Variants in KSR2 observed in about 807,000 individuals in gnomAD.
KSR2 encodes the protein kinase suppressor of ras 2.
A neutral mutation model predicts 107.8 loss-of-function variants in KSR2; 25 were observed. The ratio of observed to expected loss-of-function variants is 0.23; its 90% confidence interval spans 0.17 to 0.32. The LOEUF (loss-of-function observed/expected upper bound fraction) is 0.32. Among genes scored for constraint, KSR2 ranks in the 10% least tolerant of loss-of-function variants. The pLI is 1.00. For synonymous variants in KSR2, 480 were observed against 507.0 expected (o/e 0.95, Z 0.71); for missense variants, 887 against 1,268.9 (o/e 0.70, Z 4.57).
chr12:117,693,555 A>C (rs1048513026), intron 4 of KSR2, among the ~76,000 whole-genome samples: 8 of 152,234 alleles, frequency 5.3e-5, no homozygotes, highest in Non-Finnish European at 1.0e-4. Context: ...AAGAAGCAAC[A>C]ATCGTAATAG....
In KSR2 at chr12:117,483,673, C is replaced by G. The variant is rs137968734; in HGVS notation, c.2450+743G>C. On this transcript the variant is annotated intron_variant, in intron 16 of 19. Transcript: ENST00000339824. ...TGTTTCTCATGTGGCCAACTCAATGCGGCTTGCTCTAGGGTGAGTAGTGGC... is the reference window on the plus strand; with the variant it reads ...TGTTTCTCATGTGGCCAACTCAATGGGGCTTGCTCTAGGGTGAGTAGTGGC... Among the ~76,000 whole-genome samples the G allele has an allele frequency of 2.0e-3, 309 of 152,292 alleles. 1 individual carries two copies. Among genetic ancestry groups the G allele is most frequent in the African/African-American group, 7.0e-3 (290 of 41,562 alleles).
chr12:117,680,634 C>G (rs1885326890), intron 4 of KSR2, among the ~76,000 whole-genome samples: 1 of 152,178 alleles, frequency 6.6e-6, no homozygotes, highest in African/African-American at 2.4e-5. Flanking sequence ...AGACTGGAGG[C>G]AGCTGAAATA....
chr12:117,721,241 A>T (rs1207704118), intron 4 of KSR2, among the ~76,000 whole-genome samples: 4 of 152,166 alleles, frequency 2.6e-5, no homozygotes, highest in Admixed American at 2.6e-4. Context: ...ATGGATACCA[A>T]TGCAATGCAA....
intron 1 of KSR2, among the ~76,000 whole-genome samples, chr12:117,862,737 T>A (rs202112401): frequency 0.035 from 5,306 of 149,922 alleles, 519 homozygotes; most frequent in East Asian, 0.32. Flanking sequence ...CCTTTTTTTT[T>A]TTTTTTTTTT....
chr12:117,685,762 T>C (rs1304935348), intron 4 of KSR2, among the ~76,000 whole-genome samples: 4 of 152,264 alleles, frequency 2.6e-5, no homozygotes, highest in Admixed American at 1.3e-4. Context: ...GCCTGTCAGG[T>C]GCCCCACCCC....
At chr12:117,532,037 C>A (rs1002236775) in intron 10 of KSR2, among the ~76,000 whole-genome samples, 1 of 152,100 alleles carries the variant, frequency 6.6e-6, no homozygotes, top group African/African-American at 2.4e-5. Flanking sequence ...AGCCATAATC[C>A]AAAATATTAA....
chr12:117,511,791 C>T (rs2137199736), intron 14 of KSR2, among the ~76,000 whole-genome samples: 1 of 152,276 alleles, frequency 6.6e-6, no homozygotes, highest in African/African-American at 2.4e-5. Flanking sequence ...TGGTGGCAAA[C>T]ATCAATGATC....
intron 5 of KSR2, among the ~76,000 whole-genome samples, chr12:117,634,563 T>A (rs901036330): frequency 3.3e-5 from 5 of 152,130 alleles, no homozygotes; most frequent in Admixed American, 6.5e-5. Flanking sequence ...AGTCATCCTT[T>A]TCCCAGGTTC....
intron 5 of KSR2, among the ~76,000 whole-genome samples, chr12:117,595,412 C>CAGT (rs1452282231): frequency 2.4e-5 from 3 of 126,058 alleles, no homozygotes; most frequent in African/African-American, 9.6e-5. Context: ...GGCCGGACTG[C>CAGT]GGACTGCAGT....
chr12:117,705,273 G>C (rs1247912339), intron 4 of KSR2, among the ~76,000 whole-genome samples: 1 of 152,178 alleles, frequency 6.6e-6, no homozygotes, highest in Non-Finnish European at 1.5e-5. Flanking sequence ...GGCAACAGAC[G>C]CTCCCAGAGG....
chr12:117,677,239 A>G (rs1197287562), intron 4 of KSR2: 3 of 152,166 alleles, frequency 2.0e-5, no homozygotes, highest in East Asian at 1.9e-4. Flanking sequence ...TCAAGTTCCT[A>G]TGTTGAAGTC....
intron 1 of KSR2, among the ~76,000 whole-genome samples, chr12:117,955,505 T>C (rs547963011): frequency 2.6e-5 from 4 of 152,214 alleles, no homozygotes; most frequent in South Asian, 2.1e-4. Context: ...CTGAACCAAA[T>C]TGGAACCCAA....
At position 117,477,033 on chromosome 12, in the gene KSR2, A is replaced by T. The variant is rs993802354; in HGVS notation, c.2451-438T>A. On this transcript the variant is annotated intron_variant, in intron 16 of 19. Transcript: ENST00000339824. ...TATCTAACAGATTCTGTTTTATTTT[A>T]CATAATAGACTATGGGGCTCAGAAG... Among the ~76,000 whole-genome samples the T allele has an allele frequency of 2.0e-5, 3 of 152,224 alleles. No homozygotes were observed. The South Asian group carries it at 6.2e-4, about 32-fold the overall frequency.
chr12:117,886,360 C>T (rs557909123), intron 1 of KSR2, among the ~76,000 whole-genome samples: 6 of 151,896 alleles, frequency 4.0e-5, no homozygotes, highest in African/African-American at 1.4e-4. Flanking sequence ...TCATGCACCC[C>T]ATAATGATGT....
At chr12:117,765,475 G>A (rs944138522) in intron 3 of KSR2, among the ~76,000 whole-genome samples, 1 of 152,070 alleles carries the variant, frequency 6.6e-6, no homozygotes, top group Non-Finnish European at 1.5e-5. Context: ...TCATAAAATG[G>A]GAATAATTAT....
chr12:117,704,214 A>C (rs1886433985), intron 4 of KSR2, among the ~76,000 whole-genome samples: 1 of 152,172 alleles, frequency 6.6e-6, no homozygotes. Flanking sequence ...AACAGTCTTT[A>C]GTTATGGAAA....
At chr12:117,845,909 C>T (rs1217343806) in intron 3 of KSR2, among the ~76,000 whole-genome samples, 1 of 150,424 alleles carries the variant, frequency 6.6e-6, no homozygotes, top group African/African-American at 2.4e-5. Flanking sequence ...AGGCTGGTCT[C>T]GAACTCCTGC....
At chr12:117,644,769 C>T (rs67089503) in intron 5 of KSR2, among the ~76,000 whole-genome samples, 12,210 of 152,182 alleles carry the variant, frequency 0.08, 801 homozygotes, top group East Asian at 0.28. Context: ...GCTCCTCTTT[C>T]GAATTAATAA....
intron 3 of KSR2, among the ~76,000 whole-genome samples, chr12:117,817,908 C>T (rs929794994): frequency 3.9e-5 from 6 of 152,112 alleles, no homozygotes; most frequent in East Asian, 1.9e-4. Flanking sequence ...CAAGACAAGG[C>T]GGGCCAACAC....
Sources: gnomAD v4.1 joint callset for allele counts (sites outside exome capture counted in the v4.1 genomes callset) on GRCh38, gnomAD v4.1.1 for gene constraint, MANE v1.5 for transcripts, NCBI Gene and HGNC (gene_info 2026-07-23, HGNC 2026-07-21) for gene names.